The following MTREX variants were observed in gnomAD, a reference collection of about 807,000 sequenced individuals.
MTREX encodes the protein exosome RNA helicase MTR4.
Under a neutral mutation model 135.4 loss-of-function variants are expected in MTREX, and 76 were observed. The ratio of observed to expected loss-of-function variants is 0.56; its 90% confidence interval spans 0.47 to 0.68. The LOEUF is 0.68. Among genes scored for constraint, MTREX ranks in the 30% least tolerant of loss-of-function variants. The pLI is 0.00. For synonymous variants in MTREX, 404 were observed against 401.6 expected, an observed-to-expected ratio of 1.01 and a Z score of -0.07; for missense variants, 920 against 1,262.1, an observed-to-expected ratio of 0.73 and a Z score of 4.11.
At position 55,366,707 on chromosome 5, in the gene MTREX, AT is replaced by A. The variant is rs775563472; in HGVS notation, c.1660-10del. 41 of 1,513,564 alleles carry A rather than the reference AT, an allele frequency of 2.7e-5. No homozygotes were observed. Among genetic ancestry groups the A allele is most frequent in the East Asian group, 1.4e-4 (6 of 43,190 alleles). 93.8% of individuals were successfully genotyped at this position (1,513,564 alleles called of 1,614,324 possible). On this transcript the variant is annotated splice_polypyrimidine_tract_variant and intron_variant, in intron 15 of 26. Transcript: ENST00000230640. ...TTATTTGGAAAACTACAAAATTGAC[AT>A]TTTTTTTCTCTCTTAGGGCTCCGCT... is the stretch of plus-strand genomic sequence containing the variant.
intron 17 of MTREX, among the ~76,000 whole-genome samples, 160 bp downstream of exon 17, chr5:55,378,646 T>A (rs1750345601): frequency 6.6e-6 from 1 of 152,210 alleles, no homozygotes; most frequent in South Asian, 2.1e-4. Flanking sequence ...TGGCACTAAC[T>A]TAGGGGCTTA....
chr5:55,400,296 C>T lies in MTREX; in HGVS notation c.2356C>T (p.Gln786Ter). The T allele has an allele frequency of 6.2e-7, 1 of 1,612,818 alleles. No homozygotes were observed. Among genetic ancestry groups the T allele is most frequent in the Non-Finnish European group, 8.5e-7 (1 of 1,179,424 alleles). Residue 786 changes from glutamine to a stop codon, truncating the protein, a stop_gained, in exon 21 of 27, where the codon CAA becomes TAA. Transcript: ENST00000230640. LOFTEE classifies it high-confidence loss of function. Reference protein sequence around the residue: ...LLDPIDDMGIQDQGLKKVIQK... With the variant: ...LLDPIDDMGI Reference sequence around the variant, plus strand: ...AGACCCTATTGATGATATGGGCATTCAAGATCAAGGGCTGAAAAAAGTCAT... The same window carrying T: ...AGACCCTATTGATGATATGGGCATTTAAGATCAAGGGCTGAAAAAAGTCAT...
chr5:55,322,379 AAG>A lies in MTREX; in HGVS notation c.193_194del (p.Asp65CysfsTer8). 6.2e-6 allele frequency: 10 copies of A among 1,607,528 alleles called. No individual in the cohort carries two copies. The highest frequency in any genetic ancestry group is 8.5e-6 in the Non-Finnish European group (10 of 1,175,062). On this transcript the variant is annotated frameshift_variant, in exon 2 of 27. Coordinates refer to ENST00000230640, the MANE Select transcript of MTREX (RefSeq NM_015360.5). LOFTEE classifies it high-confidence loss of function. ...QSESTNNGKN[K>X]RDVDFEGTDE... ...AGAATCAACTAATAATGGAAAAAAT[AAG>A]AGAGATGTAGATTTCGAAGGTACAG...
In MTREX at chr5:55,343,524, C is replaced by G. The variant is rs576182903; in HGVS notation, c.906+69C>G. On this transcript the variant is annotated intron_variant, in intron 8 of 26. Transcript: ENST00000230640. ...TACAGATTAGTCTTGCTTTACTCTC[C>G]CTTTGCTTTTCTCCTGATGTTGTCC... 98 of 1,380,590 alleles carry G rather than the reference C, an allele frequency of 7.1e-5. No individual in the cohort carries two copies. The African/African-American group carries it at 1.2e-3, about 17-fold the overall frequency. 85.5% of individuals were successfully genotyped at this position (1,380,590 alleles called of 1,614,324 possible).
intron 21 of MTREX, among the ~76,000 whole-genome samples, chr5:55,404,089 A>T (rs1750764241): frequency 6.6e-6 from 1 of 152,212 alleles, no homozygotes; most frequent in Admixed American, 6.5e-5. Flanking sequence ...CTAGAAATAG[A>T]GGACATTGGT....
At chr5:55,308,877 T>G (rs1338947955) in intron 1 of MTREX, among the ~76,000 whole-genome samples, 1 of 152,188 alleles carries the variant, frequency 6.6e-6, no homozygotes, top group Non-Finnish European at 1.5e-5. Context: ...CAAAATATAC[T>G]CTTGGCATTG....
intron 16 of MTREX, among the ~76,000 whole-genome samples, chr5:55,375,398 TCTCAGGGATGTTCC>T (rs1007647289): frequency 1.5e-4 from 23 of 152,188 alleles, no homozygotes; most frequent in Non-Finnish European, 1.5e-4. Flanking sequence ...GCATTCTCTT[TCTCAGGGATGTTCC>T]ATGCTGAGAA....
chr5:55,415,960 A>G lies in MTREX; in HGVS notation c.2809-10A>G, dbSNP rs754831232. On this transcript the variant is annotated splice_polypyrimidine_tract_variant and intron_variant, in intron 24 of 26. Coordinates refer to ENST00000230640, the MANE Select transcript of MTREX (RefSeq NM_015360.5). ...ATAAGTAAGGAATTTTAACTCTTTT[A>G]TCTTTAAAGGAATGTGCTAAAAGAA... is the stretch of plus-strand genomic sequence containing the variant. 5.7e-6 allele frequency: 9 copies of G among 1,569,038 alleles called. No homozygotes were observed. The African/African-American group carries it at 1.1e-4, about 19-fold the overall frequency.
chr5:55,334,525 T>C (rs578250591), intron 5 of MTREX, among the ~76,000 whole-genome samples: 2 of 152,226 alleles, frequency 1.3e-5, no homozygotes, highest in African/African-American at 4.8e-5. Flanking sequence ...TATCAGGTTG[T>C]TTATATATGT....
intron 14 of MTREX, among the ~76,000 whole-genome samples, chr5:55,356,123 A>G (rs780417565): frequency 6.6e-6 from 1 of 152,210 alleles, no homozygotes. Context: ...CTTGTCACAT[A>G]TGGCCCAGGC....
At chr5:55,382,739 T>A (rs1750416368) in intron 18 of MTREX, among the ~76,000 whole-genome samples, 1 of 152,168 alleles carries the variant, frequency 6.6e-6, no homozygotes, top group South Asian at 2.1e-4. Flanking sequence ...TTCAAGTGAT[T>A]CTCCTGCCTC....
intron 5 of MTREX, among the ~76,000 whole-genome samples, chr5:55,338,708 AAC>A (rs1201715504): frequency 2.0e-5 from 3 of 150,976 alleles, no homozygotes; most frequent in African/African-American, 7.3e-5. Context: ...GTTCATTGAT[AAC>A]AGTCATCACA....
chr5:55,328,682 A>C lies in MTREX; in HGVS notation c.403-17A>C. On this transcript the variant is annotated splice_polypyrimidine_tract_variant and intron_variant, in intron 4 of 26. Transcript: ENST00000230640. ...ACTAGATGTTTTTATGCAGATATTA[A>C]TGTTTTGTTTTTATAGGAATACCCG... 6.5e-7 allele frequency: 1 copy of C among 1,529,418 alleles called. No homozygotes were observed. The highest frequency in any genetic ancestry group is 1.4e-5 in the African/African-American group (1 of 73,204). The allele number at this position is 1,529,418 out of a possible 1,614,324, so 94.7% of individuals were successfully genotyped here.
intron 14 of MTREX, among the ~76,000 whole-genome samples, chr5:55,354,578 T>G (rs1318959441): frequency 6.6e-6 from 1 of 152,222 alleles, no homozygotes; most frequent in Non-Finnish European, 1.5e-5. Context: ...TGTGTTTTAT[T>G]TTAAAATGTT....
chr5:55,346,585 T>G (rs1370850928), intron 10 of MTREX, among the ~76,000 whole-genome samples: 2 of 152,250 alleles, frequency 1.3e-5, no homozygotes, highest in Non-Finnish European at 2.9e-5. Context: ...CCCTGGTGGC[T>G]AATGATGTTG....
chr5:55,396,407 C>T (rs1041838702), intron 19 of MTREX, among the ~76,000 whole-genome samples: 1 of 152,016 alleles, frequency 6.6e-6, no homozygotes, highest in Non-Finnish European at 1.5e-5. Context: ...TGTGCTTGTT[C>T]TTAACATATA....
At chr5:55,424,053 A>G (rs1408703178) in intron 26 of MTREX, 1 of 152,198 alleles carries the variant, frequency 6.6e-6, no homozygotes, top group Non-Finnish European at 1.5e-5. Flanking sequence ...GTCTTCTGAT[A>G]TAGGTTGAAA....
chr5:55,382,908 A>G (rs961482693), intron 18 of MTREX, among the ~76,000 whole-genome samples: 5 of 152,252 alleles, frequency 3.3e-5, no homozygotes. Flanking sequence ...TGCTGGGATT[A>G]TAGGCGTGAG....
At chr5:55,310,146 G>T (rs1160913506) in intron 1 of MTREX, among the ~76,000 whole-genome samples, 3 of 152,102 alleles carry the variant, frequency 2.0e-5, no homozygotes, top group Non-Finnish European at 4.4e-5. Flanking sequence ...GGGGTAAGCT[G>T]TTTGACAGCC....
Sources: gnomAD v4.1 joint callset for allele counts (sites outside exome capture counted in the v4.1 genomes callset) on GRCh38, gnomAD v4.1.1 for gene constraint, MANE v1.5 for transcripts, NCBI Gene and HGNC (gene_info 2026-07-23, HGNC 2026-07-21) for gene names.